SLC17A6: variants seen among roughly 807,000 people sequenced by gnomAD.
The protein encoded by SLC17A6 is vesicular glutamate transporter 2.
In SLC17A6, 35 loss-of-function variants were observed where a neutral mutation model predicts 67.1. That is an observed-to-expected ratio of 0.52 (90% CI 0.40 to 0.69). SLC17A6 has a LOEUF of 0.69. Ranked by LOEUF, SLC17A6 falls within the 30% of genes least tolerant of loss-of-function variation. The pLI is 0.00. For synonymous variants in SLC17A6, 285 were observed against 252.3 expected (o/e 1.13, Z -1.23); for missense variants, 588 against 723.9 (o/e 0.81, Z 2.15).
intron 2 of SLC17A6, 153 bp from the exon 3 acceptor site, chr11:22,343,094 T>A: frequency 1.4e-6 from 1 of 731,506 alleles, no homozygotes; most frequent in Non-Finnish European, 2.4e-6. Context: ...CAAGAGGCAA[T>A]TTTGTTAGGA....
chr11:22,359,563 G>T, intron 4 of SLC17A6, 36 bp downstream of exon 4: 1 of 1,376,820 alleles, frequency 7.3e-7, no homozygotes, highest in Admixed American at 2.1e-5. Flanking sequence ...TTTAAGATTG[G>T]CATTTGGTTG....
chr11:22,358,105 T>C (rs180945590), intron 3 of SLC17A6, among the ~76,000 whole-genome samples: 2 of 152,266 alleles, frequency 1.3e-5, no homozygotes, highest in African/African-American at 4.8e-5. Flanking sequence ...CAGTAACATT[T>C]AAAAGTGCCC....
At chr11:22,365,419 G>A (rs756998069) in intron 6 of SLC17A6, 128 bp from the exon 7 acceptor site, 1 of 1,112,112 alleles carries the variant, frequency 9.0e-7, no homozygotes. Context: ...GCTAACGTCA[G>A]TTGGAGAAAC....
At chr11:22,348,379 G>T in intron 3 of SLC17A6, among the ~76,000 whole-genome samples, 1 of 152,168 alleles carries the variant, frequency 6.6e-6, no homozygotes, top group Non-Finnish European at 1.5e-5. Context: ...TTTGGCAGGA[G>T]AATCATACTG....
intron 3 of SLC17A6, among the ~76,000 whole-genome samples, chr11:22,357,579 G>A (rs558755446): frequency 1.3e-5 from 2 of 152,258 alleles, no homozygotes; most frequent in South Asian, 4.1e-4. Context: ...TTTCAATCAT[G>A]AAGAGGTTAA....
chr11:22,339,141 TGTTATATATA>T (rs1276583989), intron 1 of SLC17A6, among the ~76,000 whole-genome samples: 27,166 of 42,156 alleles, frequency 0.64, 6,847 homozygotes, highest in Middle Eastern at 0.72. Context: ...TATATATATA[TGTTATATATA>T]GTTATATATA....
chr11:22,375,807 G>C (rs1351808961), intron 9 of SLC17A6, among the ~76,000 whole-genome samples, 175 bp from the exon 10 acceptor site: 1 of 152,084 alleles, frequency 6.6e-6, no homozygotes, highest in African/African-American at 2.4e-5. Context: ...CACAAGGAAA[G>C]CTTCATGAAT....
intron 8 of SLC17A6, among the ~76,000 whole-genome samples, chr11:22,372,379 T>TAC (rs893826683): frequency 6.7e-6 from 1 of 150,212 alleles, no homozygotes; most frequent in African/African-American, 2.4e-5. Context: ...TATATATATA[T>TAC]ACACACATAC....
chr11:22,343,161 G>T, intron 2 of SLC17A6, 86 bp from the exon 3 acceptor site: 1 of 1,090,454 alleles, frequency 9.2e-7, no homozygotes, highest in Admixed American at 1.9e-5. Flanking sequence ...AGCCTTGGGG[G>T]CTTTTTGGCT....
At chr11:22,359,767 T>C (rs1856028704) in intron 4 of SLC17A6, among the ~76,000 whole-genome samples, 1 of 151,214 alleles carries the variant, frequency 6.6e-6, no homozygotes. Context: ...TAAAGAAATA[T>C]TTTAATGCCT....
At chr11:22,344,133 T>C (rs944140402) in intron 3 of SLC17A6, among the ~76,000 whole-genome samples, 17 of 152,280 alleles carry the variant, frequency 1.1e-4, no homozygotes, top group African/African-American at 3.6e-4. Flanking sequence ...TGTGTGTACA[T>C]TGATAAGCAA....
At chr11:22,339,561 G>C (rs960767073) in intron 1 of SLC17A6, among the ~76,000 whole-genome samples, 3 of 151,972 alleles carry the variant, frequency 2.0e-5, no homozygotes, top group Non-Finnish European at 4.4e-5. Context: ...TATGTTATAT[G>C]GATACAGCTT....
intron 3 of SLC17A6, among the ~76,000 whole-genome samples, chr11:22,352,454 T>G (rs1428215747): frequency 1.3e-5 from 2 of 152,190 alleles, no homozygotes; most frequent in Non-Finnish European, 2.9e-5. Flanking sequence ...AAATAAATAT[T>G]CATAGAAGAA....
rs750695256 is a variant in SLC17A6 at position 22,376,530 on chromosome 11, A to C, written c.1286-15A>C. The C allele has an allele frequency of 3.7e-6, 6 of 1,613,652 alleles. No homozygotes were observed. Among genetic ancestry groups the C allele is most frequent in the Admixed American group, 3.3e-5 (2 of 59,988 alleles). The stretch of plus-strand genomic sequence containing the variant: ...TTTAGGATGCCCTGAGTCAAAACTT[A>C]TGTGTGTATTTCAGGTTTCAATGTT... On this transcript the variant is annotated splice_polypyrimidine_tract_variant and intron_variant, in intron 10 of 11. Coordinates refer to ENST00000263160, the MANE Select transcript of SLC17A6 (RefSeq NM_020346.3).
chr11:22,338,889 T>G (rs1445530597), intron 1 of SLC17A6, among the ~76,000 whole-genome samples: 2 of 150,316 alleles, frequency 1.3e-5, no homozygotes, highest in African/African-American at 2.5e-5. Context: ...GTTTTTGTCC[T>G]TTACTACACA....
At chr11:22,344,525 GT>G (rs1294425309) in intron 3 of SLC17A6, among the ~76,000 whole-genome samples, 1 of 152,182 alleles carries the variant, frequency 6.6e-6, no homozygotes, top group African/African-American at 2.4e-5. Flanking sequence ...TAGAGTGAGG[GT>G]TTTGGGGCAG....
chr11:22,344,227 G>A (rs1855851300), intron 3 of SLC17A6, among the ~76,000 whole-genome samples: 1 of 152,144 alleles, frequency 6.6e-6, no homozygotes, highest in African/African-American at 2.4e-5. Flanking sequence ...CTTAGATACC[G>A]CAAATAAAGA....
chr11:22,365,504 G>A, intron 6 of SLC17A6, 43 bp from the exon 7 acceptor site: 2 of 1,608,976 alleles, frequency 1.2e-6, no homozygotes, highest in East Asian at 2.2e-5. Flanking sequence ...GCACATCACT[G>A]TTAAATGGAA....
At chr11:22,339,819 T>A (rs1395497356) in intron 1 of SLC17A6, among the ~76,000 whole-genome samples, 1 of 151,818 alleles carries the variant, frequency 6.6e-6, no homozygotes, top group Non-Finnish European at 1.5e-5. Flanking sequence ...ACAGCTACCA[T>A]GGAAAGGGAT....
Sources: gnomAD v4.1 joint callset for allele counts (sites outside exome capture counted in the v4.1 genomes callset) on GRCh38, gnomAD v4.1.1 for gene constraint, MANE v1.5 for transcripts, NCBI Gene and HGNC (gene_info 2026-07-23, HGNC 2026-07-21) for gene names.